Variants in DACH1 observed in about 807,000 individuals in gnomAD.
DACH1 encodes the protein dachshund family transcription factor 1.
DACH1 carries 12 observed loss-of-function variants against 54.2 expected under a neutral mutation model. The observed-to-expected ratio is 0.22, with a 90% confidence interval of 0.14 to 0.36. The LOEUF (loss-of-function observed/expected upper bound fraction) is 0.36. Ranked by LOEUF, DACH1 falls within the 10% of genes least tolerant of loss-of-function variation. The pLI, the probability that DACH1 is intolerant of heterozygous loss-of-function variation, is 1.00. For synonymous variants in DACH1, 386 were observed against 366.2 expected, an observed-to-expected ratio of 1.05 and a Z score of -0.62; for missense variants, 805 against 929.8, an observed-to-expected ratio of 0.87 and a Z score of 1.75.
rs942611670 is a variant in DACH1, at chr13:71,594,170, T to TA, written c.1127-21159dup. The stretch of plus-strand genomic sequence containing the variant: ...TACTTGAATATGGACATCTCTAATA[T>TA]AAAAAAATTTTTAGAAAGTCTTGGG... On this transcript the variant is annotated intron_variant, in intron 3 of 10. Transcript: ENST00000613252. Among the ~76,000 whole-genome samples the TA allele has an allele frequency of 3.2e-4, 49 of 151,612 alleles. 1 individual carries two copies. Among genetic ancestry groups the TA allele is most frequent in the Admixed American group, 2.0e-4 (3 of 15,220 alleles).
At chr13:71,552,830 TATATATATATATAGAGAGAGAG>T (rs1490478752) in intron 6 of DACH1, among the ~76,000 whole-genome samples, 17 of 42,836 alleles carry the variant, frequency 4.0e-4, no homozygotes, top group Admixed American at 1.4e-3. Context: ...TATATATATA[TATATATATATATAGAGAGAGAG>T]AGAGAGAGAG....
chr13:71,663,699 A>G (rs942468301), intron 2 of DACH1, among the ~76,000 whole-genome samples: 1 of 151,968 alleles, frequency 6.6e-6, no homozygotes, highest in African/African-American at 2.4e-5. Flanking sequence ...ATGCCCAACT[A>G]TTAGCTTATC....
intron 1 of DACH1, among the ~76,000 whole-genome samples, chr13:71,786,621 A>G (rs1886601819): frequency 6.6e-6 from 1 of 152,258 alleles, no homozygotes; most frequent in South Asian, 2.1e-4. Flanking sequence ...TTGAATATAC[A>G]TTTTAATCAT....
intron 1 of DACH1, among the ~76,000 whole-genome samples, chr13:71,826,531 C>T (rs1459288425): frequency 6.6e-6 from 1 of 152,008 alleles, no homozygotes; most frequent in Non-Finnish European, 1.5e-5. Context: ...TCTCCCATTC[C>T]CCTACTTGTC....
intron 3 of DACH1, among the ~76,000 whole-genome samples, chr13:71,589,691 G>A (rs1412445459): frequency 6.6e-6 from 1 of 151,736 alleles, no homozygotes; most frequent in East Asian, 1.9e-4. Context: ...CCTGATATGA[G>A]TATAATACTA....
intron 6 of DACH1, among the ~76,000 whole-genome samples, chr13:71,495,650 GA>G (rs951515637): frequency 1.0e-3 from 154 of 151,990 alleles, no homozygotes; most frequent in African/African-American, 3.7e-3. Context: ...TTTACAGAAA[GA>G]AAAAATTACA....
intron 6 of DACH1, among the ~76,000 whole-genome samples, chr13:71,498,482 T>G (rs1879631158): frequency 6.6e-6 from 1 of 152,158 alleles, no homozygotes. Flanking sequence ...ACGAGGCAAT[T>G]TCACAGACAT....
chr13:71,845,997 G>T (rs2138249311), intron 1 of DACH1: 1 of 172,396 alleles, frequency 5.8e-6, no homozygotes. Context: ...GGAAGGCTGT[G>T]GTCGAAGGCC....
chr13:71,704,543 C>A, intron 1 of DACH1: 1 of 434,284 alleles, frequency 2.3e-6, no homozygotes, highest in Non-Finnish European at 4.6e-6. Flanking sequence ...GAGAAACATA[C>A]CTGGGTGCAA....
intron 3 of DACH1, among the ~76,000 whole-genome samples, chr13:71,599,828 T>TAA (rs1555300222): frequency 6.8e-6 from 1 of 146,606 alleles, no homozygotes; most frequent in East Asian, 2.0e-4. Flanking sequence ...AACACATTTC[T>TAA]ACACACACAC....
At chr13:71,522,141 G>A (rs1881645568) in intron 6 of DACH1, among the ~76,000 whole-genome samples, 1 of 152,082 alleles carries the variant, frequency 6.6e-6, no homozygotes, top group Non-Finnish European at 1.5e-5. Context: ...TTTAGTAAGT[G>A]GATGTAGTAT....
At chr13:71,691,991 T>C (rs1881499646) in intron 1 of DACH1, among the ~76,000 whole-genome samples, 1 of 145,312 alleles carries the variant, frequency 6.9e-6, no homozygotes, top group Admixed American at 7.0e-5. Flanking sequence ...GAAACAGCCA[T>C]AGAGGCATAG....
intron 6 of DACH1, among the ~76,000 whole-genome samples, chr13:71,524,443 CT>C (rs769531121): frequency 6.6e-6 from 1 of 152,166 alleles, no homozygotes; most frequent in Non-Finnish European, 1.5e-5. Context: ...AGATAGGCAT[CT>C]CTGGTTTGCA....
chr13:71,655,268 A>T (rs187364455), intron 2 of DACH1, among the ~76,000 whole-genome samples: 14 of 152,218 alleles, frequency 9.2e-5, no homozygotes, highest in Admixed American at 2.6e-4. Context: ...TCTGTGTGTA[A>T]GATTTTCTCC....
chr13:71,832,973 T>TTTTTTA (rs1318736518), intron 1 of DACH1, among the ~76,000 whole-genome samples: 1 of 152,070 alleles, frequency 6.6e-6, no homozygotes, highest in East Asian at 1.9e-4. Context: ...CACTCCCTAC[T>TTTTTTA]TTTTTATTTT....
intron 1 of DACH1, among the ~76,000 whole-genome samples, chr13:71,777,523 G>T (rs1420235062): frequency 6.6e-6 from 1 of 152,038 alleles, no homozygotes; most frequent in Non-Finnish European, 1.5e-5. Flanking sequence ...GTTCTGAACT[G>T]CATTATCCTA....
Position 71,614,938 on chromosome 13 carries a change from T to A in DACH1, c.1126+15618A>T, listed in dbSNP as rs185113432. On this transcript the variant is annotated intron_variant, in intron 3 of 10. Coordinates refer to ENST00000613252, the MANE Select transcript of DACH1 (RefSeq NM_080759.6). The stretch of plus-strand genomic sequence containing the variant: ...CATTTGAATCTATCAGTTTTTTTTT[T>A]AAAAAAAGATAACTAAGTCTTCTGA... Among the ~76,000 whole-genome samples the A allele has an allele frequency of 4.2e-3, 640 of 151,178 alleles. 1 individual carries two copies. Among genetic ancestry groups the A allele is most frequent in the East Asian group, 8.7e-3 (45 of 5,172 alleles).
intron 3 of DACH1, among the ~76,000 whole-genome samples, chr13:71,598,447 G>A (rs1031723608): frequency 6.6e-6 from 1 of 151,934 alleles, no homozygotes; most frequent in Non-Finnish European, 1.5e-5. Flanking sequence ...TAGAGACGGG[G>A]TTTCACCATG....
intron 1 of DACH1, among the ~76,000 whole-genome samples, chr13:71,823,577 C>T (rs534909037): frequency 6.4e-4 from 97 of 151,768 alleles, no homozygotes; most frequent in African/African-American, 2.2e-3. Context: ...ATGGAACAGG[C>T]GAGAAAGTCA....
Sources: allele counts gnomAD v4.1 joint callset (sites outside exome capture counted in the v4.1 genomes callset), GRCh38; gene constraint gnomAD v4.1.1; transcripts MANE v1.5; gene names NCBI Gene and HGNC (gene_info 2026-07-23, HGNC 2026-07-21).